AHCYL2: variants seen among roughly 807,000 people sequenced by gnomAD.
AHCYL2 encodes the protein adenosylhomocysteinase like 2.
AHCYL2 carries 28 observed loss-of-function variants against 81.4 expected under a neutral mutation model. The ratio of observed to expected loss-of-function variants is 0.34; its 90% CI spans 0.25 to 0.47. AHCYL2 has a LOEUF of 0.47. Among genes scored for constraint, AHCYL2 ranks in the 20% least tolerant of loss-of-function variants. AHCYL2 has a pLI of 1.00. For synonymous variants in AHCYL2, 272 were observed against 290.2 expected, an observed-to-expected ratio of 0.94 and a Z score of 0.64; for missense variants, 551 against 785.1, an observed-to-expected ratio of 0.70 and a Z score of 3.56.
intron 12 of AHCYL2, among the ~76,000 whole-genome samples, chr7:129,420,477 C>CTTTTTTTTT (rs11414828): frequency 7.9e-6 from 1 of 126,838 alleles, no homozygotes; most frequent in Non-Finnish European, 1.7e-5. Flanking sequence ...TGCTTAAATT[C>CTTTTTTTTT]TTTTTTTTTT....
Position 129,379,642 on chromosome 7 carries a change from T to A in AHCYL2, c.368T>A (p.Ile123Asn). 6.2e-7 allele frequency: 1 copy of A among 1,613,632 alleles called. No homozygotes were observed. Among genetic ancestry groups the A allele is most frequent in the Non-Finnish European group, 8.5e-7 (1 of 1,179,810 alleles). ...TEAPRTVKKQ[I>N]QFADQKQEFN... ...AACTAGGTTTCTTTTTCTTAGCAGA[T>A]CCAGTTTGCTGACCAGAAGCAAGAA... Residue 123 changes from isoleucine (I) to asparagine (N), a missense_variant, in exon 2 of 17, where the codon ATC (isoleucine) becomes AAC (asparagine). By Grantham distance (149) the Ile-to-Asn change is moderately radical (BLOSUM62 -3). Around this residue, in one of 2 missense-constraint regions of AHCYL2, gnomAD observed 235 missense variants for 242.1 expected, o/e 0.97. Transcript: ENST00000325006.
In AHCYL2 at chr7:129,333,153, C is replaced by G. The variant is rs1003146880; in HGVS notation, c.364-46485C>G. 4.0e-5 allele frequency among the ~76,000 whole-genome samples: 6 copies of G among 151,872 alleles called. No homozygotes were observed. The East Asian group carries it at 5.8e-4, about 15-fold the overall frequency. Reference sequence around the variant, plus strand: ...TATGATTTTTTGTTTCAAAGAGTTACGCTTTGGGTACTGGCATTAAAAAGT... The same window carrying G: ...TATGATTTTTTGTTTCAAAGAGTTAGGCTTTGGGTACTGGCATTAAAAAGT... On this transcript the variant is annotated intron_variant, in intron 1 of 16. Transcript: ENST00000325006.
intron 1 of AHCYL2, among the ~76,000 whole-genome samples, chr7:129,267,237 G>GTGTGTGTA (rs1554472019): frequency 0.23 from 33,358 of 147,018 alleles, 3,931 homozygotes; most frequent in East Asian, 0.34. Flanking sequence ...AGGGGTGTGT[G>GTGTGTGTA]TGTGTGTGTG....
intron 1 of AHCYL2, among the ~76,000 whole-genome samples, chr7:129,322,572 G>T (rs760946461): frequency 9.9e-5 from 15 of 152,130 alleles, no homozygotes; most frequent in Non-Finnish European, 1.9e-4. Flanking sequence ...TTAGCAAAAA[G>T]CTGTTCATAA....
intron 1 of AHCYL2, among the ~76,000 whole-genome samples, chr7:129,269,593 GTT>G (rs1795935704): frequency 1.3e-5 from 2 of 151,472 alleles, no homozygotes; most frequent in African/African-American, 4.9e-5. Flanking sequence ...GTTTTGTTTT[GTT>G]TTGTTTTGTT....
chr7:129,243,794 A>T (rs909822379), intron 1 of AHCYL2, among the ~76,000 whole-genome samples: 1 of 151,266 alleles, frequency 6.6e-6, no homozygotes, highest in African/African-American at 2.4e-5. Context: ...GTAAGCCAGC[A>T]TGGTCAGCCA....
intron 1 of AHCYL2, among the ~76,000 whole-genome samples, chr7:129,287,459 G>A (rs1796677372): frequency 6.6e-6 from 1 of 152,178 alleles, no homozygotes; most frequent in Non-Finnish European, 1.5e-5. Flanking sequence ...GAAGTGGGTG[G>A]TATAGCTGAA....
At chr7:129,393,895 GGAAA>G (rs1453222055) in intron 4 of AHCYL2, among the ~76,000 whole-genome samples, 1 of 152,146 alleles carries the variant, frequency 6.6e-6, no homozygotes, top group African/African-American at 2.4e-5. Flanking sequence ...AGGCAAAGAG[GGAAA>G]GAATCCATAG....
In AHCYL2 at chr7:129,428,782, T is replaced by C. The variant is rs900748379; in HGVS notation, c.*1737T>C. 3.9e-5 allele frequency: 6 copies of C among 152,240 alleles called. No homozygotes were observed. The highest frequency in any genetic ancestry group is 1.4e-4 in the African/African-American group (6 of 41,458). The allele number at this position is 152,240 out of a possible 1,614,324, so 9.4% of individuals were successfully genotyped here. ...GTAAATGACTGTTTGCCTCATTTAA[T>C]AGTATACAGGCTCAGCCCATAGACT... On this transcript the variant is annotated 3_prime_UTR_variant, in exon 17 of 17. Coordinates refer to ENST00000325006, the MANE Select transcript of AHCYL2 (RefSeq NM_015328.4).
chr7:129,290,787 G>A (rs1334167011), intron 1 of AHCYL2, among the ~76,000 whole-genome samples: 5 of 151,558 alleles, frequency 3.3e-5, no homozygotes, highest in South Asian at 4.2e-4. Context: ...AAAATTAGCC[G>A]GGCGCAGTGG....
At chr7:129,420,688 G>A (rs1159444671) in intron 12 of AHCYL2, among the ~76,000 whole-genome samples, 1 of 150,376 alleles carries the variant, frequency 6.6e-6, no homozygotes, top group Non-Finnish European at 1.5e-5. Context: ...GTCTCACTAT[G>A]TTGCCCAAGC....
At chr7:129,268,226 C>A (rs1476422813) in intron 1 of AHCYL2, among the ~76,000 whole-genome samples, 1 of 152,094 alleles carries the variant, frequency 6.6e-6, no homozygotes, top group Non-Finnish European at 1.5e-5. Context: ...CCAGCTATAC[C>A]TTAAAGAAGC....
At chr7:129,255,609 T>A (rs950410738) in intron 1 of AHCYL2, among the ~76,000 whole-genome samples, 1 of 152,278 alleles carries the variant, frequency 6.6e-6, no homozygotes, top group African/African-American at 2.4e-5. Flanking sequence ...CGCACGCGCA[T>A]GTTTAGCAAT....
intron 1 of AHCYL2, among the ~76,000 whole-genome samples, chr7:129,281,615 G>C (rs183137631): frequency 8.7e-5 from 13 of 149,378 alleles, no homozygotes; most frequent in African/African-American, 3.0e-4. Context: ...TTCTGCCTCA[G>C]CCTCTCAAGT....
intron 2 of AHCYL2, among the ~76,000 whole-genome samples, chr7:129,386,159 G>T (rs2150899048): frequency 6.6e-6 from 1 of 152,086 alleles, no homozygotes; most frequent in Middle Eastern, 3.4e-3. Context: ...CTGATAGCAG[G>T]TCCGTATAAA....
intron 1 of AHCYL2, among the ~76,000 whole-genome samples, chr7:129,248,242 A>G (rs948773373): frequency 6.6e-6 from 1 of 152,248 alleles, no homozygotes; most frequent in Admixed American, 6.5e-5. Context: ...TGATTTTTGT[A>G]GCTTTATTGT....
intron 9 of AHCYL2, 91 bp downstream of exon 9, chr7:129,405,990 C>T (rs1584892236): frequency 1.7e-6 from 2 of 1,166,004 alleles, no homozygotes; most frequent in South Asian, 2.9e-5. Context: ...TATGAGTACA[C>T]CCTTTACCAC....
chr7:129,393,723 C>T (rs543263705), intron 4 of AHCYL2, among the ~76,000 whole-genome samples: 2 of 152,284 alleles, frequency 1.3e-5, no homozygotes, highest in South Asian at 2.1e-4. Flanking sequence ...CACCTAAGCT[C>T]ATCTTGAACA....
chr7:129,367,851 C>T (rs1794182893), intron 1 of AHCYL2, among the ~76,000 whole-genome samples: 1 of 152,196 alleles, frequency 6.6e-6, no homozygotes, highest in South Asian at 2.1e-4. Flanking sequence ...ATCCGAACCT[C>T]CCATGCAATA....
Sources: allele counts gnomAD v4.1 joint callset (sites outside exome capture counted in the v4.1 genomes callset), GRCh38; gene constraint gnomAD v4.1.1; regional missense constraint gnomAD v4.1.1; transcripts MANE v1.5; gene names NCBI Gene and HGNC (gene_info 2026-07-23, HGNC 2026-07-21).